The following GSK3B variants were observed in gnomAD, a reference collection of about 807,000 sequenced individuals.
GSK3B encodes glycogen synthase kinase-3 beta.
A neutral mutation model predicts 56.4 loss-of-function variants in GSK3B; 15 were observed. The ratio of observed to expected loss-of-function variants is 0.27; its 90% CI spans 0.18 to 0.41. The LOEUF (loss-of-function observed/expected upper bound fraction) is 0.41, where lower values mean the gene tolerates loss of function less well. GSK3B is among the 10% of genes least tolerant of loss of function. The pLI, the probability that GSK3B is intolerant of heterozygous loss-of-function variation, is 1.00. For synonymous variants in GSK3B, 181 were observed against 188.9 expected (o/e 0.96, Z 0.34); for missense variants, 300 against 513.4 (o/e 0.58, Z 4.02).
intron 2 of GSK3B, among the ~76,000 whole-genome samples, chr3:119,997,814 T>C (rs536670174): frequency 4.8e-4 from 73 of 152,090 alleles, no homozygotes; most frequent in Non-Finnish European, 8.1e-4. Context: ...TAATACATGG[T>C]TTTTAAAATG....
chr3:119,933,116 T>C (rs766114547), intron 3 of GSK3B, among the ~76,000 whole-genome samples: 8 of 151,882 alleles, frequency 5.3e-5, no homozygotes, highest in Non-Finnish European at 8.8e-5. Flanking sequence ...AATATGGAAA[T>C]ACGCATTAAC....
chr3:119,967,793 TCTCTCTCC>T (rs1271647794), intron 2 of GSK3B, among the ~76,000 whole-genome samples: 177 of 146,494 alleles, frequency 1.2e-3, no homozygotes, highest in African/African-American at 4.0e-3. Context: ...TTTCTCTCTC[TCTCTCTCC>T]CTCTCTCCCT....
At chr3:119,857,048 C>T (rs2056032509) in intron 9 of GSK3B, among the ~76,000 whole-genome samples, 1 of 152,038 alleles carries the variant, frequency 6.6e-6, no homozygotes, top group South Asian at 2.1e-4. Context: ...TAAAAAAAAC[C>T]ACATATATAC....
intron 1 of GSK3B, among the ~76,000 whole-genome samples, chr3:120,072,078 A>C (rs560554757): frequency 2.5e-4 from 38 of 152,326 alleles, no homozygotes; most frequent in African/African-American, 9.1e-4. Flanking sequence ...CCTGGCCCTC[A>C]CCTGCAGACA....
chr3:119,856,390 A>C (rs1308101645), intron 9 of GSK3B, among the ~76,000 whole-genome samples: 1 of 152,178 alleles, frequency 6.6e-6, no homozygotes, highest in Non-Finnish European at 1.5e-5. Flanking sequence ...ACTTTCATTC[A>C]AGATACTAGT....
chr3:120,019,671 A>T (rs1012948336), intron 1 of GSK3B, among the ~76,000 whole-genome samples: 1 of 152,206 alleles, frequency 6.6e-6, no homozygotes, highest in African/African-American at 2.4e-5. Context: ...GTATACCAAT[A>T]TCAAAACAAA....
intron 2 of GSK3B, among the ~76,000 whole-genome samples, chr3:119,966,584 G>A (rs2057320338): frequency 6.6e-6 from 1 of 152,072 alleles, no homozygotes; most frequent in African/African-American, 2.4e-5. Context: ...TATTATAATC[G>A]CCAACCACAT....
Position 120,026,704 on chromosome 3 carries a change from C to T in GSK3B, c.89-24465G>A, listed in dbSNP as rs953069997. Among the ~76,000 whole-genome samples the T allele has an allele frequency of 8.0e-5, 12 of 150,818 alleles. No homozygotes were observed. In the East Asian group the frequency reaches 8.1e-4, roughly 10 times the overall value. ...TCTCAAGTAGCTGGGATTACAGGCGCGCACCACCACATCTGGCTAATTTTT... is the reference window on the plus strand; with the variant it reads ...TCTCAAGTAGCTGGGATTACAGGCGTGCACCACCACATCTGGCTAATTTTT... On this transcript the variant is annotated intron_variant, in intron 1 of 10. Coordinates refer to ENST00000264235, the MANE Select transcript of GSK3B (RefSeq NM_001146156.2).
chr3:119,983,716 T>C (rs146563609), intron 2 of GSK3B, among the ~76,000 whole-genome samples: 1 of 152,258 alleles, frequency 6.6e-6, no homozygotes, highest in East Asian at 1.9e-4. Flanking sequence ...AGCAAGTCCT[T>C]GGAGACCTAC....
intron 4 of GSK3B, among the ~76,000 whole-genome samples, chr3:119,917,033 A>T (rs1355465306): frequency 5.9e-5 from 9 of 152,090 alleles, no homozygotes. Context: ...TCACTTTTAA[A>T]CTTTTCTGGC....
chr3:119,918,193 G>A (rs2056800791), intron 4 of GSK3B, among the ~76,000 whole-genome samples: 2 of 151,924 alleles, frequency 1.3e-5, no homozygotes, highest in South Asian at 4.2e-4. Context: ...GGTGGAGGCC[G>A]GGCGCGGTGG....
chr3:119,986,711 T>C (rs2057520002), intron 2 of GSK3B, among the ~76,000 whole-genome samples: 1 of 152,120 alleles, frequency 6.6e-6, no homozygotes, highest in Admixed American at 6.6e-5. Context: ...GTGGAGAAAC[T>C]GGAATGCTTA....
At position 119,865,467 on chromosome 3, in the gene GSK3B, T is replaced by TATATATATATATATA. The variant is rs1491089884; in HGVS notation, c.910-1863_910-1862insTATATATATATATAT. ...ATATATATATATATATATATATATA[T>TATATATATATATATA]TTTTTTTTTTTTTTTTTTTTTTGAG... On this transcript the variant is annotated intron_variant, in intron 8 of 10. Transcript: ENST00000264235. Among the ~76,000 whole-genome samples, 26 of 20,938 alleles carry TATATATATATATATA rather than the reference T, an allele frequency of 1.2e-3. 1 individual carries two copies. Among genetic ancestry groups the TATATATATATATATA allele is most frequent in the Admixed American group, 2.9e-3 (3 of 1,028 alleles). The allele number at this position is 20,938 out of a possible 152,430, so 13.7% of individuals were successfully genotyped here.
chr3:119,901,191 T>C (rs1462419803), intron 7 of GSK3B, among the ~76,000 whole-genome samples: 1 of 152,150 alleles, frequency 6.6e-6, no homozygotes, highest in Admixed American at 6.6e-5. Flanking sequence ...TCTGGAACTA[T>C]ATCATATATT....
At chr3:119,958,501 T>C (rs527785220) in intron 2 of GSK3B, among the ~76,000 whole-genome samples, 11 of 151,854 alleles carry the variant, frequency 7.2e-5, no homozygotes, top group South Asian at 2.1e-4. Context: ...CACAGGGAGA[T>C]TGCATCTCTA....
chr3:119,924,192 C>G (rs1052939492), intron 3 of GSK3B, among the ~76,000 whole-genome samples: 2 of 152,158 alleles, frequency 1.3e-5, no homozygotes, highest in African/African-American at 4.8e-5. Context: ...TCAACAACAC[C>G]AGTGGAGAAA....
intron 9 of GSK3B, among the ~76,000 whole-genome samples, chr3:119,855,561 G>A (rs1470238882): frequency 2.6e-5 from 4 of 152,090 alleles, no homozygotes; most frequent in East Asian, 1.9e-4. Context: ...TCACAATAGC[G>A]AAGACTTGGA....
chr3:120,029,846 A>G, intron 1 of GSK3B: 3 of 551,494 alleles, frequency 5.4e-6, no homozygotes, highest in South Asian at 4.1e-5. Context: ...ATGGCCCCCA[A>G]AAAAGGAGGT....
chr3:120,080,318 A>AGAAGGAAGAC (rs1269031341), intron 1 of GSK3B, among the ~76,000 whole-genome samples: 1 of 151,274 alleles, frequency 6.6e-6, no homozygotes, highest in Non-Finnish European at 1.5e-5. Context: ...GGGGGAGGGA[A>AGAAGGAAGAC]GAAGGAAGAC....
Sources: gnomAD v4.1 joint callset for allele counts (sites outside exome capture counted in the v4.1 genomes callset) on GRCh38, gnomAD v4.1.1 for gene constraint, MANE v1.5 for transcripts, NCBI Gene and HGNC (gene_info 2026-07-23, HGNC 2026-07-21) for gene names.